The following AARS1 variants were observed in gnomAD, a reference collection of about 807,000 sequenced individuals.
The protein encoded by AARS1 is alanyl-tRNA synthetase 1, also known as alanine--tRNA ligase, cytoplasmic.
A neutral mutation model predicts 108.9 loss-of-function variants in AARS1; 72 were observed. The observed-to-expected ratio is 0.66, with a 90% CI of 0.55 to 0.80. The LOEUF is 0.80. Among genes scored for constraint, AARS1 ranks in the 30% least tolerant of loss-of-function variants. The pLI, the probability that AARS1 is intolerant of heterozygous loss-of-function variation, is 0.00. For missense variants in AARS1, 1,193 were observed against 1,233.2 expected (o/e 0.97, Z 0.49); for synonymous variants, 489 against 465.7 (o/e 1.05, Z -0.64).
In AARS1 at chr16:70,277,015, T is replaced by G. The variant is rs764793550; in HGVS notation, c.284A>C (p.His95Pro). ...AGAGCCCAGCATCTCGAAGAAGGTGTGATGATAGACATCCTTGCCCACATC... is the reference window on the plus strand; with the variant it reads ...AGAGCCCAGCATCTCGAAGAAGGTGGGATGATAGACATCCTTGCCCACATC... ...LDDVGKDVYH[H>P]TFFEMLGSWS... The change falls in exon 3 of 21, where the codon CAC (histidine) becomes CCC (proline). Residue 95 changes from histidine to proline, a missense_variant. Coordinates refer to ENST00000261772, the MANE Select transcript of AARS1 (RefSeq NM_001605.3). 4 of 1,614,168 alleles carry G rather than the reference T, an allele frequency of 2.5e-6. No individual in the cohort carries two copies. The Admixed American group carries it at 6.7e-5, about 27-fold the overall frequency.
At chr16:70,287,254 C>CAAAAA (rs71151181) in intron 1 of AARS1, among the ~76,000 whole-genome samples, 8 of 39,432 alleles carry the variant, frequency 2.0e-4, no homozygotes, top group African/African-American at 5.7e-4. Flanking sequence ...GACTCCGTCT[C>CAAAAA]AAAAAAAAAA....
At chr16:70,269,951 A>G (rs1235837749) in intron 6 of AARS1, among the ~76,000 whole-genome samples, 188 bp from the exon 7 acceptor site, 1 of 152,056 alleles carries the variant, frequency 6.6e-6, no homozygotes, top group Non-Finnish European at 1.5e-5. Context: ...CTCAAAAATT[A>G]TACTGTCTCA....
intron 10 of AARS1, 142 bp from the exon 11 acceptor site, chr16:70,265,244 G>T: frequency 8.7e-7 from 1 of 1,151,254 alleles, no homozygotes; most frequent in Non-Finnish European, 1.3e-6. Context: ...TTTGGGGCCA[G>T]ATCATTCTCT....
At chr16:70,260,000 G>A (rs1298714416) in intron 13 of AARS1, among the ~76,000 whole-genome samples, 3 of 152,112 alleles carry the variant, frequency 2.0e-5, no homozygotes, top group Admixed American at 1.3e-4. Flanking sequence ...TCGAACTCCC[G>A]ACCTCAGGTG....
Position 70,254,749 on chromosome 16 carries a change from C to A in AARS1, c.2287-15G>T. The A allele has an allele frequency of 6.5e-7, 1 of 1,547,404 alleles. No homozygotes were observed. ...TTCCTGAGGGCCTGGGAGGGGACAC[C>A]GGGTCAACCCCAAGCAGGAGGTCTG... On this transcript the variant is annotated splice_polypyrimidine_tract_variant and intron_variant, in intron 16 of 20. Transcript: ENST00000261772.
At chr16:70,276,329 G>C (rs1960549475) in intron 4 of AARS1, 157 bp downstream of exon 4, 2 of 787,702 alleles carry the variant, frequency 2.5e-6, no homozygotes, top group Non-Finnish European at 4.2e-6. Flanking sequence ...CCACCTCCTG[G>C]GTTCAAGCGA....
At chr16:70,287,309 TC>T (rs1421275874) in intron 1 of AARS1, among the ~76,000 whole-genome samples, 1 of 144,440 alleles carries the variant, frequency 6.9e-6, no homozygotes, top group African/African-American at 2.6e-5. Flanking sequence ...GCGCCTGTAA[TC>T]CCAGCTACTT....
In AARS1 at chr16:70,269,635, AG is replaced by A; in HGVS notation, c.944del (p.Pro315LeufsTer10). The A allele has an allele frequency of 6.2e-7, 1 of 1,614,150 alleles. No homozygotes were observed. Among genetic ancestry groups the A allele is most frequent in the Non-Finnish European group, 8.5e-7 (1 of 1,180,030 alleles). ...ATACTTACCCACGCCCTGTGTTGTC[AG>A]GCCGGCCACCATCAGCCAGTGCCAC... is the stretch of plus-strand genomic sequence containing the variant. ...ITVALADGGR[P>X]DNTGRGYVLR... On this transcript the variant is annotated frameshift_variant, in exon 7 of 21. Coordinates refer to ENST00000261772, the MANE Select transcript of AARS1 (RefSeq NM_001605.3). LOFTEE classifies it high-confidence loss of function.
At chr16:70,285,227 TAAA>T (rs541642359) in intron 1 of AARS1, among the ~76,000 whole-genome samples, 4 of 133,848 alleles carry the variant, frequency 3.0e-5, no homozygotes, top group Non-Finnish European at 3.3e-5. Context: ...AGACTCCGTC[TAAA>T]AAAAAAAAAA....
At chr16:70,285,583 G>A (rs1960821129) in intron 1 of AARS1, among the ~76,000 whole-genome samples, 1 of 152,252 alleles carries the variant, frequency 6.6e-6, no homozygotes, top group South Asian at 2.1e-4. Context: ...TGGGTAACCT[G>A]GATTACAGGT....
chr16:70,253,167 G>A (rs555969718), intron 20 of AARS1, 101 bp downstream of exon 20: 96 of 1,061,988 alleles, frequency 9.0e-5, no homozygotes, highest in South Asian at 7.4e-4. Flanking sequence ...GTAACCAACC[G>A]GTGGGCAGAA....
chr16:70,257,115 G>T (rs1960010062), intron 15 of AARS1, among the ~76,000 whole-genome samples: 1 of 152,138 alleles, frequency 6.6e-6, no homozygotes, highest in Admixed American at 6.6e-5. Context: ...TGGGCGTGGT[G>T]GTGTGTGCCT....
Position 70,267,748 on chromosome 16 carries a change from T to C in AARS1, c.1133A>G (p.Glu378Gly). Residue 378 changes from glutamate to glycine, a missense_variant, in exon 9 of 21, where the codon GAA (glutamate) becomes GGA (glycine). Coordinates refer to ENST00000261772, the MANE Select transcript of AARS1 (RefSeq NM_001605.3). Reference protein sequence around the residue: ...PDMVKDIINEEEVQFLKTLSR... With the variant: ...PDMVKDIINEGEVQFLKTLSR... ...GAGAGTCTTGAGAAACTGCACCTCT[T>C]CTTCATTAATGATGTCCTTCACCAT... The C allele has an allele frequency of 6.2e-7, 1 of 1,614,160 alleles. No homozygotes were observed. Among genetic ancestry groups the C allele is most frequent in the Non-Finnish European group, 8.5e-7 (1 of 1,180,032 alleles).
intron 1 of AARS1, 141 bp from the exon 2 acceptor site, chr16:70,282,925 G>A (rs1159133052): frequency 2.4e-5 from 19 of 795,252 alleles, no homozygotes; most frequent in Admixed American, 2.2e-5. Flanking sequence ...ATGTTGTAAT[G>A]TCCAAGGCTA....
intron 4 of AARS1, 111 bp from the exon 5 acceptor site, chr16:70,272,083 G>T (rs1960420106): frequency 3.2e-6 from 3 of 923,798 alleles, no homozygotes; most frequent in Non-Finnish European, 5.3e-6. Context: ...AGTGGCTCAT[G>T]TTACTGCACT....
At position 70,265,064 on chromosome 16, in the gene AARS1, G is replaced by A; in HGVS notation, c.1386C>T (p.Leu462=). 1 of 1,614,092 alleles carries A rather than the reference G, an allele frequency of 6.2e-7. No individual in the cohort carries two copies. The highest frequency in any genetic ancestry group is 1.3e-5 in the African/African-American group (1 of 75,018). ...SQGKGAGGED[L]IMLDIYAIEE... is the part of the protein sequence containing the mutation. ...CGATAGCGTAAATGTCCAGCATAAT[G>A]AGGTCTTCCCCACCAGCTCCCTTGC... The change falls in exon 11 of 21, where the codon CTC becomes CTT. Residue 462 remains leucine (L), a synonymous_variant. Coordinates refer to ENST00000261772, the MANE Select transcript of AARS1 (RefSeq NM_001605.3).
At position 70,252,370 on chromosome 16, in the gene AARS1, A is replaced by G; in HGVS notation, c.*351T>C. On this transcript the variant is annotated 3_prime_UTR_variant, in exon 21 of 21. Transcript: ENST00000261772. The stretch of plus-strand genomic sequence containing the variant: ...GCCAGCCCCTATTGGGAAGAGGGAT[A>G]GAGATCATGCGGCATTAAGTATTGC... 1 of 387,904 alleles carries G rather than the reference A, an allele frequency of 2.6e-6. No individual in the cohort carries two copies. The highest frequency in any genetic ancestry group is 7.8e-4 in the Middle Eastern group (1 of 1,286). The allele number at this position is 387,904 out of a possible 1,614,324, so 24.0% of individuals were successfully genotyped here.
At chr16:70,286,979 C>G (rs553840212) in intron 1 of AARS1, among the ~76,000 whole-genome samples, 1 of 148,390 alleles carries the variant, frequency 6.7e-6, no homozygotes, top group African/African-American at 2.5e-5. Flanking sequence ...AGGCCGGGCG[C>G]GGTGGCTCAC....
intron 1 of AARS1, among the ~76,000 whole-genome samples, 189 bp from the exon 2 acceptor site, chr16:70,282,973 C>T (rs1245343533): frequency 4.6e-5 from 7 of 152,160 alleles, no homozygotes; most frequent in African/African-American, 1.4e-4. Flanking sequence ...CCCATCTGTT[C>T]TTCCTTCCCA....
Sources: allele counts gnomAD v4.1 joint callset (sites outside exome capture counted in the v4.1 genomes callset), GRCh38; gene constraint gnomAD v4.1.1; transcripts MANE v1.5; gene names NCBI Gene and HGNC (gene_info 2026-07-23, HGNC 2026-07-21).